Variants in C5orf15 observed in about 807,000 individuals in gnomAD.
C5orf15 encodes the protein chromosome 5 open reading frame 15, also known as keratinocyte-associated transmembrane protein 2.
C5orf15 carries 10 observed loss-of-function variants against 17.8 expected under a neutral mutation model. The ratio of observed to expected loss-of-function variants is 0.56; its 90% CI spans 0.35 to 0.95. C5orf15 has a LOEUF of 0.95. Among genes scored for constraint, C5orf15 ranks in the 40% least tolerant of loss-of-function variants. The pLI, the probability that C5orf15 is intolerant of heterozygous loss-of-function variation, is 0.02. For missense variants in C5orf15, 319 were observed against 331.7 expected (o/e 0.96, Z 0.30); for synonymous variants, 124 against 131.0 (o/e 0.95, Z 0.36).
chr5:133,968,557 T>G lies in C5orf15; in HGVS notation c.28A>C (p.Arg10=). ...AGCAGTTTCGCTTGTGCTGGCCCCC[T>G]CATCCTCTTCGGGACGGCAGCGGCC... The part of the protein sequence containing the change: MAAAVPKRM[R]GPAQAKLLPG... Residue 10 remains arginine (R), a synonymous_variant, in exon 1 of 3, where the codon AGG becomes CGG. Transcript: ENST00000231512. The G allele has an allele frequency of 6.2e-7, 1 of 1,609,952 alleles. No homozygotes were observed. Among genetic ancestry groups the G allele is most frequent in the East Asian group, 2.2e-5 (1 of 44,780 alleles).
rs1286403973 is a variant in C5orf15 at position 133,959,885 on chromosome 5, G to A, written c.275C>T (p.Thr92Met). The A allele has an allele frequency of 5.6e-6, 9 of 1,613,894 alleles. No individual in the cohort carries two copies. Among genetic ancestry groups the A allele is most frequent in the South Asian group, 1.1e-5 (1 of 91,046 alleles). The part of the protein sequence containing the change: ...SQISTTLPPT[T>M]STKKSGGASV... ...TGCTCCTCCACTTTTCTTGGTACTC[G>A]TCGTGGGAGGGAGGGTGGTGCTGAT... Residue 92 changes from threonine to methionine, a missense_variant, in exon 2 of 3, where the codon ACG (threonine) becomes ATG (methionine). Physicochemically the swap from Thr to Met is moderately conservative, Grantham distance 81 (BLOSUM62 -1). Around this residue, in one of 3 missense-constraint regions of C5orf15, gnomAD observed 17 missense variants for 43.6 expected, o/e 0.39. Coordinates refer to ENST00000231512, the MANE Select transcript of C5orf15 (RefSeq NM_020199.3).
chr5:133,956,760 T>A lies in C5orf15; in HGVS notation c.*99A>T. 8.1e-7 allele frequency: 1 copy of A among 1,230,796 alleles called. No individual in the cohort carries two copies. Among genetic ancestry groups the A allele is most frequent in the East Asian group, 2.7e-5 (1 of 36,494 alleles). The allele number at this position is 1,230,796 out of a possible 1,614,324, so 76.2% of individuals were successfully genotyped here. A position where few individuals can be genotyped will look rare whatever the true frequency, so the allele number is the denominator to read the frequency against. ...CACCAAGGCAAAAGAGAGACTCACC[T>A]CTCATTTAAGTACCAATTGCCTATG... On this transcript the variant is annotated 3_prime_UTR_variant, in exon 3 of 3. Coordinates refer to ENST00000231512, the MANE Select transcript of C5orf15 (RefSeq NM_020199.3).
Position 133,968,622 on chromosome 5 carries a change from C to T in C5orf15, c.-38G>A, listed in dbSNP as rs769026842. The T allele has an allele frequency of 1.3e-5, 21 of 1,576,706 alleles. No individual in the cohort carries two copies. Among genetic ancestry groups the T allele is most frequent in the Non-Finnish European group, 1.8e-5 (21 of 1,160,266 alleles). ...TGGGAGCCTGCGCTGTTGCTAGGCT[C>T]TACGCCATGAGGTCAGACGCCGCGG... On this transcript the variant is annotated 5_prime_UTR_variant, in exon 1 of 3. Transcript: ENST00000231512.
chr5:133,955,755 T>C lies in C5orf15; in HGVS notation c.*1104A>G, dbSNP rs755078764. The C allele has an allele frequency of 3.3e-5, 5 of 152,566 alleles. No homozygotes were observed. Among genetic ancestry groups the C allele is most frequent in the Non-Finnish European group, 5.9e-5 (4 of 68,036 alleles). 9.5% of individuals were successfully genotyped at this position (152,566 alleles called of 1,614,324 possible). A position where few individuals can be genotyped will look rare whatever the true frequency, so the allele number is the denominator to read the frequency against. On this transcript the variant is annotated 3_prime_UTR_variant, in exon 3 of 3. Transcript: ENST00000231512. Reference sequence around the variant, plus strand: ...CTTAACATATATTAGGGCTATGTTTTCTAAAAAGCTGTAGTGACACTTGTA... The same window carrying C: ...CTTAACATATATTAGGGCTATGTTTCCTAAAAAGCTGTAGTGACACTTGTA...
rs139982684 is a variant in C5orf15, at chr5:133,959,962, T to G, written c.198A>C (p.Pro66=). Residue 66 remains proline, a synonymous_variant, in exon 2 of 3, where the codon CCA becomes CCC. Transcript: ENST00000231512. The part of the protein sequence containing the change: ...PTVLNSHIST[P]NVNALTHENQ... Reference sequence around the variant, plus strand: ...TTTCATGTGTTAAAGCATTCACATTTGGGGTAGAAATATGTGAGTTGAGTA... The same window carrying G: ...TTTCATGTGTTAAAGCATTCACATTGGGGGTAGAAATATGTGAGTTGAGTA... 1.2e-6 allele frequency: 2 copies of G among 1,614,016 alleles called. No homozygotes were observed. The highest frequency in any genetic ancestry group is 1.7e-5 in the Admixed American group (1 of 60,002).
At chr5:133,965,892 T>TC (rs1160975606) in intron 1 of C5orf15, among the ~76,000 whole-genome samples, 6 of 151,984 alleles carry the variant, frequency 3.9e-5, no homozygotes, top group Admixed American at 1.3e-4. Context: ...GCTACTGCAC[T>TC]CCAGCCTGGG....
chr5:133,966,806 G>A (rs1032588905), intron 1 of C5orf15, among the ~76,000 whole-genome samples: 26 of 152,116 alleles, frequency 1.7e-4, no homozygotes, highest in African/African-American at 5.6e-4. Context: ...ATGTATGTTC[G>A]TTTTCATTTA....
intron 1 of C5orf15, among the ~76,000 whole-genome samples, chr5:133,964,171 C>T (rs1038644581): frequency 3.9e-5 from 6 of 152,042 alleles, no homozygotes; most frequent in African/African-American, 1.2e-4. Context: ...GAGCCGAGAT[C>T]GTGCCATTGC....
intron 1 of C5orf15, among the ~76,000 whole-genome samples, chr5:133,961,503 G>A (rs959059629): frequency 7.0e-6 from 1 of 142,024 alleles, no homozygotes; most frequent in Non-Finnish European, 1.5e-5. Context: ...CCGAGATGGC[G>A]CCACTGCACT....
In C5orf15 at chr5:133,965,434, T is replaced by C. The variant is rs144483610; in HGVS notation, c.139+3012A>G. Among the ~76,000 whole-genome samples the C allele has an allele frequency of 3.6e-3, 543 of 152,310 alleles. 5 individuals are homozygous for C. The highest frequency in any genetic ancestry group is 0.012 in the African/African-American group (518 of 41,562). Reference sequence around the variant, plus strand: ...CAAATAATTGACCTGAAACATGTAATACAAAGGCTATCAACTTACTCAAAC... The same window carrying C: ...CAAATAATTGACCTGAAACATGTAACACAAAGGCTATCAACTTACTCAAAC... On this transcript the variant is annotated intron_variant, in intron 1 of 2. Coordinates refer to ENST00000231512, the MANE Select transcript of C5orf15 (RefSeq NM_020199.3).
intron 1 of C5orf15, among the ~76,000 whole-genome samples, chr5:133,961,232 TAAAAAA>T (rs56684565): frequency 6.6e-5 from 2 of 30,438 alleles, no homozygotes; most frequent in African/African-American, 1.5e-4. Context: ...AGTCAGTTAG[TAAAAAA>T]AAAAAAAAAA....
chr5:133,961,232 TAAAAAAAAAAAAAAAAA>T (rs56684565), intron 1 of C5orf15, among the ~76,000 whole-genome samples: 3 of 30,440 alleles, frequency 9.9e-5, no homozygotes, highest in South Asian at 1.3e-3. Flanking sequence ...AGTCAGTTAG[TAAAAAAAAAAAAAAAAA>T]AAAAAAAAAA....
chr5:133,960,314 G>A (rs1028533231), intron 1 of C5orf15, among the ~76,000 whole-genome samples: 4 of 152,130 alleles, frequency 2.6e-5, no homozygotes, highest in Non-Finnish European at 2.9e-5. Context: ...TTTAAGTCAC[G>A]ATGGCAAAGT....
chr5:133,968,413 C>T (rs1443269746), intron 1 of C5orf15, 33 bp downstream of exon 1: 39 of 1,595,104 alleles, frequency 2.4e-5, no homozygotes, highest in Non-Finnish European at 3.3e-5. Context: ...GCCCTCCTAG[C>T]CTTCCTAAGC....
At chr5:133,966,723 A>C (rs763715825) in intron 1 of C5orf15, among the ~76,000 whole-genome samples, 17 of 152,222 alleles carry the variant, frequency 1.1e-4, no homozygotes, top group Admixed American at 2.0e-4. Flanking sequence ...TGAAATTATA[A>C]GGTATGCTTA....
intron 1 of C5orf15, among the ~76,000 whole-genome samples, chr5:133,966,406 T>A (rs1056878981): frequency 1.3e-5 from 2 of 152,060 alleles, no homozygotes; most frequent in Non-Finnish European, 2.9e-5. Context: ...GTTTAGGTGA[T>A]CATTTGGGGA....
chr5:133,959,809 A>G lies in C5orf15; in HGVS notation c.351T>C (p.Asp117=), dbSNP rs1752092557. The G allele has an allele frequency of 1.2e-6, 2 of 1,614,146 alleles. No homozygotes were observed. The highest frequency in any genetic ancestry group is 1.7e-6 in the Non-Finnish European group (2 of 1,180,020). The part of the protein sequence containing the change: ...SPTPLSQEEA[D]NNEDPSIEEE... Reference sequence around the variant, plus strand: ...CCTCTATACTAGGATCTTCATTGTTATCAGCTTCCTCTTGAGACAGAGGAG... The same window carrying G: ...CCTCTATACTAGGATCTTCATTGTTGTCAGCTTCCTCTTGAGACAGAGGAG... The change falls in exon 2 of 3, where the codon GAT becomes GAC. Residue 117 remains aspartate, a synonymous_variant. Coordinates refer to ENST00000231512, the MANE Select transcript of C5orf15 (RefSeq NM_020199.3).
Position 133,955,524 on chromosome 5 carries a change from T to C in C5orf15, c.*1335A>G, listed in dbSNP as rs1752030833. On this transcript the variant is annotated 3_prime_UTR_variant, in exon 3 of 3. Transcript: ENST00000231512. ...TCGTGAAATCATAGATTTATATCTT[T>C]GCCATTTATTTTTTAAAATCTTATT... is the stretch of plus-strand genomic sequence containing the variant. 1.3e-5 allele frequency: 2 copies of C among 152,670 alleles called. No individual in the cohort carries two copies. The highest frequency in any genetic ancestry group is 4.8e-5 in the African/African-American group (2 of 41,470). The allele number at this position is 152,670 out of a possible 1,614,324, so 9.5% of individuals were successfully genotyped here. A position where few individuals can be genotyped will look rare whatever the true frequency, so the allele number is the denominator to read the frequency against.
Position 133,960,035 on chromosome 5 carries a change from G to C in C5orf15, c.140-15C>G, listed in dbSNP as rs149862420. Reference sequence around the variant, plus strand: ...CCGTGATACAACTGAAACAAACAAAGAATATCAAACTGAAATCTCCAACTT... The same window carrying C: ...CCGTGATACAACTGAAACAAACAAACAATATCAAACTGAAATCTCCAACTT... On this transcript the variant is annotated splice_polypyrimidine_tract_variant and intron_variant, in intron 1 of 2. Transcript: ENST00000231512. The C allele has an allele frequency of 3.8e-4, 591 of 1,564,698 alleles. 1 individual carries two copies. In the African/African-American group the frequency reaches 7.3e-3, roughly 19 times the overall value.
Sources: gnomAD v4.1 joint callset for allele counts (sites outside exome capture counted in the v4.1 genomes callset) on GRCh38, gnomAD v4.1.1 for gene constraint, gnomAD v4.1.1 regional missense constraint, MANE v1.5 for transcripts, NCBI Gene and HGNC (gene_info 2026-07-23, HGNC 2026-07-21) for gene names.